The following SNORC variants were observed in gnomAD, a reference collection of about 807,000 sequenced individuals.
SNORC encodes the protein secondary ossification center associated regulator of chondrocyte maturation, also known as protein SNORC.
SNORC carries 11 observed loss-of-function variants against 9.7 expected under a neutral mutation model. The observed-to-expected ratio is 1.14, with a 90% CI of 0.72 to 1.88. SNORC has a LOEUF of 1.88. SNORC is among the 40% of genes most tolerant of loss of function. SNORC has a pLI of 0.00. For missense variants in SNORC, 197 were observed against 173.1 expected (o/e 1.14, Z -0.77); for synonymous variants, 108 against 88.7 (o/e 1.22, Z -1.22).
upstream of SNORC, among the ~76,000 whole-genome samples, chr2:232,868,153 T>G (rs1328793174): frequency 6.9e-6 from 1 of 144,048 alleles, no homozygotes; most frequent in African/African-American, 2.8e-5. Context: ...ATTTCATCTT[T>G]TTTTTTTTTT....
chr2:232,876,477 AGCGCTCAGGGCGGGGGTGC>A, downstream of SNORC: 1 of 1,350,918 alleles, frequency 7.4e-7, no homozygotes, highest in Admixed American at 4.1e-5. The surrounding 1 kb of genome is among the most constrained non-coding windows in gnomAD (Gnocchi z 6.8). Flanking sequence ...CGCGCAGGCG[AGCGCTCAGGGCGGGGGTGC>A]GCGCGGGGCC....
intron 1 of SNORC, among the ~76,000 whole-genome samples, chr2:232,872,870 C>T (rs575941984): frequency 2.6e-5 from 4 of 152,336 alleles, no homozygotes; most frequent in South Asian, 2.1e-4. Flanking sequence ...ATAAGAAGTG[C>T]CTCGGCCCCT....
At chr2:232,874,876 C>T (rs1691160324) in intron 1 of SNORC, among the ~76,000 whole-genome samples, 1 of 152,260 alleles carries the variant, frequency 6.6e-6, no homozygotes, top group African/African-American at 2.4e-5. Context: ...ACCACGGCAC[C>T]TTATCCCCAA....
downstream of SNORC, chr2:232,877,312 G>A (rs1691310092): frequency 1.0e-6 from 1 of 985,476 alleles, no homozygotes; most frequent in Admixed American, 6.1e-5. Flanking sequence ...CGGAGTGAGG[G>A]TGAGGAGCCT....
At chr2:232,877,131 G>A (rs1040355568), downstream of SNORC, 9 of 985,710 alleles carry the variant, frequency 9.1e-6, no homozygotes, top group African/African-American at 1.7e-5. Flanking sequence ...GGAGCCTCAG[G>A]AGCAGGATGA....
chr2:232,868,091 A>T (rs1467469532), upstream of SNORC, among the ~76,000 whole-genome samples: 1 of 151,228 alleles, frequency 6.6e-6, no homozygotes, highest in African/African-American at 2.4e-5. Context: ...GTAATACATT[A>T]GTAGACTGGC....
chr2:232,876,151 G>C lies in SNORC; in HGVS notation c.256+29G>C. 1.6e-6 allele frequency: 2 copies of C among 1,261,430 alleles called. No homozygotes were observed. The highest frequency in any genetic ancestry group is 2.1e-6 in the Non-Finnish European group (2 of 931,138). The allele number at this position is 1,261,430 out of a possible 1,614,324, so 78.1% of individuals were successfully genotyped here. On this transcript the variant is annotated intron_variant, in intron 2 of 2. Transcript: ENST00000331342. This position sits in a 1 kb window ranked among gnomAD's most constrained non-coding sequence, Gnocchi z 6.8. Reference sequence around the variant, plus strand: ...CGGGCGGGGCGGGGGAGGGAGGGGAGAGGGAGAAATTAGGAGGGGCGGGGG... The same window carrying C: ...CGGGCGGGGCGGGGGAGGGAGGGGACAGGGAGAAATTAGGAGGGGCGGGGG...
chr2:232,873,550 C>T (rs989805453), intron 1 of SNORC, among the ~76,000 whole-genome samples: 9 of 152,212 alleles, frequency 5.9e-5, no homozygotes, highest in Admixed American at 4.6e-4. Context: ...GGGCCTGGTA[C>T]CCAGAAGCCC....
downstream of SNORC, chr2:232,876,834 C>G (rs552979844): frequency 2.9e-4 from 287 of 985,598 alleles, no homozygotes; most frequent in African/African-American, 4.8e-3. The surrounding 1 kb of genome is among the most constrained non-coding windows in gnomAD (Gnocchi z 6.8). Context: ...GCCGCCTCCT[C>G]TGCCTGGGCG....
At position 232,876,185 on chromosome 2, in the gene SNORC, C is replaced by T. The variant is rs559047099; in HGVS notation, c.257-62C>T. 1.1e-3 allele frequency: 1,382 copies of T among 1,268,352 alleles called. 11 individuals carry two copies. In the African/African-American group the frequency reaches 0.021, roughly 19 times the overall value. 78.6% of individuals were successfully genotyped at this position (1,268,352 alleles called of 1,614,324 possible). Reference sequence around the variant, plus strand: ...ATTAGGAGGGGCGGGGGGCGGGGGGCGCGGGGAGAAGGGCCGGCCAGGCGG... The same window carrying T: ...ATTAGGAGGGGCGGGGGGCGGGGGGTGCGGGGAGAAGGGCCGGCCAGGCGG... On this transcript the variant is annotated intron_variant, in intron 2 of 2. Coordinates refer to ENST00000331342, the Ensembl canonical transcript of SNORC. The surrounding 1 kb of genome is among the most constrained non-coding windows in gnomAD (Gnocchi z 6.8).
chr2:232,870,086 A>G (rs948974299), upstream of SNORC, among the ~76,000 whole-genome samples: 1 of 137,606 alleles, frequency 7.3e-6, no homozygotes, highest in African/African-American at 2.7e-5. Flanking sequence ...AGCACAGGCA[A>G]TTTCCTCTTT....
At chr2:232,875,876 T>TG in intron 1 of SNORC, 64 bp from the exon 2 acceptor site, 1 of 1,480,352 alleles carries the variant, frequency 6.8e-7, no homozygotes, top group Non-Finnish European at 9.0e-7. Context: ...AACCTAGAGG[T>TG]GGGGGGTGAC....
chr2:232,870,456 C>T, intron 1 of SNORC, 42 bp downstream of exon 1: 1 of 1,534,622 alleles, frequency 6.5e-7, no homozygotes. Context: ...ACTAGCCTCC[C>T]AGGGCCGATA....
downstream of SNORC, chr2:232,877,464 T>TG: frequency 1.6e-6 from 1 of 630,674 alleles, no homozygotes; most frequent in Non-Finnish European, 2.0e-6. Flanking sequence ...TTGGACAGTT[T>TG]GGAGGCCAGC....
chr2:232,874,883 C>T (rs1691160550), intron 1 of SNORC, among the ~76,000 whole-genome samples: 1 of 152,248 alleles, frequency 6.6e-6, no homozygotes, highest in Non-Finnish European at 1.5e-5. Context: ...CACCTTATCC[C>T]CAAGCCTTGG....
chr2:232,870,377 G>A (rs1362389988), exon 1 of SNORC: 1 of 1,571,476 alleles, frequency 6.4e-7, no homozygotes. Flanking sequence ...TGGCGCTGCT[G>A]CTGGTCTCCG....
chr2:232,875,895 C>A, intron 1 of SNORC, 45 bp from the exon 2 acceptor site: 1 of 1,509,608 alleles, frequency 6.6e-7, no homozygotes, highest in Non-Finnish European at 8.9e-7. Context: ...ACGTCCCTGT[C>A]GGCCCCGTCA....
Position 232,876,255 on chromosome 2 carries a change from G to T in SNORC, c.265G>T (p.Gly89Trp). The T allele has an allele frequency of 6.6e-7, 1 of 1,508,480 alleles. No homozygotes were observed. The allele number at this position is 1,508,480 out of a possible 1,614,324, so 93.4% of individuals were successfully genotyped here. A position where few individuals can be genotyped will look rare whatever the true frequency, so the allele number is the denominator to read the frequency against. ...TCCTCCGTCCTCCGCAGGGTCGCTG[G>T]GGCCCGGCGCTATCGCGGCCATCGT... Residue 89 changes from glycine to tryptophan, a missense_variant, in exon 3 of 3, where the codon GGG becomes TGG. Transcript: ENST00000331342. The surrounding 1 kb of genome is among the most constrained non-coding windows in gnomAD (Gnocchi z 6.8).
downstream of SNORC, chr2:232,878,095 CTG>C (rs1691344633): frequency 6.6e-6 from 1 of 152,348 alleles, no homozygotes; most frequent in African/African-American, 2.4e-5. Flanking sequence ...CTGTGCATCT[CTG>C]TGATTCTCAG....
Sources: gnomAD v4.1 joint callset for allele counts (sites outside exome capture counted in the v4.1 genomes callset) on GRCh38, gnomAD v4.1.1 for gene constraint, Gnocchi (gnomAD v3.1) non-coding constraint, MANE v1.5 for transcripts, NCBI Gene and HGNC (gene_info 2026-07-23, HGNC 2026-07-21) for gene names.